The following TNPO1 variants were observed in gnomAD, a reference collection of about 807,000 sequenced individuals.
TNPO1 encodes the protein transportin-1.
Under a neutral mutation model 119.5 loss-of-function variants are expected in TNPO1, and 8 were observed. The observed-to-expected ratio is 0.07, with a 90% CI of 0.04 to 0.12. The LOEUF is 0.12. Among genes scored for constraint, TNPO1 ranks in the 10% least tolerant of loss-of-function variants. TNPO1 has a pLI of 1.00. For missense variants in TNPO1, 576 were observed against 1,089.8 expected, an observed-to-expected ratio of 0.53 and a Z score of 6.64; for synonymous variants, 362 against 363.0, an observed-to-expected ratio of 1.00 and a Z score of 0.03.
chr5:72,821,735 C>G (rs1236173780), intron 1 of TNPO1, among the ~76,000 whole-genome samples: 1 of 151,830 alleles, frequency 6.6e-6, no homozygotes, highest in Non-Finnish European at 1.5e-5. Context: ...GTAAAAACAC[C>G]AAGAAAGGCC....
chr5:72,913,231 T>C lies in TNPO1; in HGVS notation c.*4558T>C, dbSNP rs1011096069. 1.4e-4 allele frequency: 21 copies of C among 152,474 alleles called. No individual in the cohort carries two copies. Among genetic ancestry groups the C allele is most frequent in the Non-Finnish European group, 1.5e-5 (1 of 67,900 alleles). 9.4% of individuals were successfully genotyped at this position (152,474 alleles called of 1,614,324 possible). A position where few individuals can be genotyped will look rare whatever the true frequency, so the allele number is the denominator to read the frequency against. On this transcript the variant is annotated 3_prime_UTR_variant, in exon 25 of 25. Transcript: ENST00000337273. ...GATACTTCTAATGCCTCTCTAAAAT[T>C]AAATTTTACATAAAAGTTAGTTTTA...
intron 1 of TNPO1, among the ~76,000 whole-genome samples, chr5:72,823,302 G>A (rs535725706): frequency 2.6e-5 from 4 of 152,146 alleles, no homozygotes; most frequent in South Asian, 2.1e-4. Flanking sequence ...CCACTCTCCA[G>A]TCTTTATATT....
chr5:72,832,292 A>G (rs1744510169), intron 1 of TNPO1, among the ~76,000 whole-genome samples: 3 of 152,134 alleles, frequency 2.0e-5, no homozygotes, highest in African/African-American at 7.2e-5. Flanking sequence ...GACTAAAACC[A>G]TTACTTTATT....
At chr5:72,865,765 A>T in intron 6 of TNPO1, 36 bp downstream of exon 6, 1 of 1,577,936 alleles carries the variant, frequency 6.3e-7, no homozygotes, top group South Asian at 1.2e-5. Flanking sequence ...ATTAACTGTG[A>T]TATAAACCTG....
rs184858142 is a variant in TNPO1 at position 72,856,452 on chromosome 5, A to G, written c.355+529A>G. On this transcript the variant is annotated intron_variant, in intron 4 of 24. Coordinates refer to ENST00000337273, the MANE Select transcript of TNPO1 (RefSeq NM_002270.4). Reference sequence around the variant, plus strand: ...TTTACCATGTTGGCCAGGCTGGTCTATAACTCCTGACCTCAGGTGATCCGC... The same window carrying G: ...TTTACCATGTTGGCCAGGCTGGTCTGTAACTCCTGACCTCAGGTGATCCGC... Among the ~76,000 whole-genome samples the G allele has an allele frequency of 3.5e-3, 533 of 151,980 alleles. 3 individuals carry two copies. The highest frequency in any genetic ancestry group is 0.012 in the African/African-American group (511 of 41,464).
intron 11 of TNPO1, 106 bp from the exon 12 acceptor site, chr5:72,886,964 T>C (rs1748697926): frequency 9.4e-7 from 1 of 1,060,844 alleles, no homozygotes; most frequent in East Asian, 3.2e-5. Context: ...GAATTCTTAT[T>C]TTAAAACTCC....
chr5:72,848,516 T>TGG lies in TNPO1; in HGVS notation c.129+19_129+20dup. 1 of 1,495,404 alleles carries TGG rather than the reference T, an allele frequency of 6.7e-7. No homozygotes were observed. Among genetic ancestry groups the TGG allele is most frequent in the Non-Finnish European group, 9.0e-7 (1 of 1,110,920 alleles). The allele number at this position is 1,495,404 out of a possible 1,614,324, so 92.6% of individuals were successfully genotyped here. A position where few individuals can be genotyped will look rare whatever the true frequency, so the allele number is the denominator to read the frequency against. On this transcript the variant is annotated intron_variant, in intron 2 of 24. Transcript: ENST00000337273. ...TGCAACAAGTATCCTTTCCGAGGCC[T>TGG]GGCCGCCACCCGCGCAGCTCGCCCC...
At chr5:72,818,021 A>G (rs1215540569) in intron 1 of TNPO1, among the ~76,000 whole-genome samples, 1 of 152,254 alleles carries the variant, frequency 6.6e-6, no homozygotes. Context: ...AAGGGAAACA[A>G]TAGTTTGTAG....
At chr5:72,901,158 A>G (rs1187697082) in intron 22 of TNPO1, 85 bp downstream of exon 22, 9 of 806,840 alleles carry the variant, frequency 1.1e-5, no homozygotes, top group Non-Finnish European at 1.5e-5. Flanking sequence ...AATTATAAAA[A>G]GTTAACTATT....
chr5:72,845,161 C>A (rs1219833167), intron 1 of TNPO1, among the ~76,000 whole-genome samples: 1 of 150,586 alleles, frequency 6.6e-6, no homozygotes, highest in Non-Finnish European at 1.5e-5. Context: ...GGAGTATCAT[C>A]TAAGGGAGCG....
chr5:72,845,351 A>G (rs1414410334), intron 1 of TNPO1, among the ~76,000 whole-genome samples: 4 of 152,202 alleles, frequency 2.6e-5, no homozygotes, highest in East Asian at 3.8e-4. Context: ...ACCTCATATA[A>G]TAATCCTGAT....
At chr5:72,821,743 G>A (rs1561288736) in intron 1 of TNPO1, among the ~76,000 whole-genome samples, 1 of 152,112 alleles carries the variant, frequency 6.6e-6, no homozygotes, top group Non-Finnish European at 1.5e-5. Flanking sequence ...ACCAAGAAAG[G>A]CCAGTAATAG....
chr5:72,897,741 C>A (rs1749536542), intron 20 of TNPO1, among the ~76,000 whole-genome samples: 1 of 151,212 alleles, frequency 6.6e-6, no homozygotes, highest in African/African-American at 2.4e-5. Context: ...TGGATTCGGT[C>A]CTTTTCTTTC....
rs550012358 is a variant in TNPO1, at chr5:72,891,545, T to TA, written c.1702-264dup. ...TTTTGATTAGCTGTGTGTTTATTGA[T>TA]AGACTCTTTTTTTCAACAAGGATAA... On this transcript the variant is annotated intron_variant, in intron 14 of 24. Coordinates refer to ENST00000337273, the MANE Select transcript of TNPO1 (RefSeq NM_002270.4). Among the ~76,000 whole-genome samples, 285 of 152,288 alleles carry TA rather than the reference T, an allele frequency of 1.9e-3. 1 individual carries two copies. Among genetic ancestry groups the TA allele is most frequent in the Middle Eastern group, 3.4e-3 (1 of 294 alleles).
chr5:72,862,706 T>G (rs1461481957), intron 5 of TNPO1, among the ~76,000 whole-genome samples: 1 of 152,054 alleles, frequency 6.6e-6, no homozygotes, highest in Non-Finnish European at 1.5e-5. Flanking sequence ...AGTGCAGTGG[T>G]GCAATCTCAG....
intron 2 of TNPO1, among the ~76,000 whole-genome samples, chr5:72,848,720 GC>G (rs891105067): frequency 6.8e-5 from 10 of 147,572 alleles, no homozygotes; most frequent in African/African-American, 2.4e-4. Flanking sequence ...GCCGCGTGGG[GC>G]TCACGCCGCC....
At chr5:72,875,590 GA>G (rs751713099) in intron 7 of TNPO1, 24 bp from the exon 8 acceptor site, 2 of 1,606,304 alleles carry the variant, frequency 1.2e-6, no homozygotes, top group Non-Finnish European at 1.7e-6. Context: ...TCTAAAACTA[GA>G]AAAAATTATT....
intron 1 of TNPO1, 178 bp from the exon 2 acceptor site, chr5:72,848,207 G>T (rs1376122648): frequency 8.1e-7 from 1 of 1,237,972 alleles, no homozygotes; most frequent in Non-Finnish European, 1.0e-6. Flanking sequence ...GAGCAGTTCC[G>T]CCGGGTTTCA....
intron 2 of TNPO1, among the ~76,000 whole-genome samples, chr5:72,850,414 G>A (rs1398100295): frequency 2.0e-5 from 3 of 152,154 alleles, no homozygotes; most frequent in East Asian, 1.9e-4. Flanking sequence ...TAAACATTGA[G>A]GGTATTCAAA....
Sources: gnomAD v4.1 joint callset for allele counts (sites outside exome capture counted in the v4.1 genomes callset) on GRCh38, gnomAD v4.1.1 for gene constraint, MANE v1.5 for transcripts, NCBI Gene and HGNC (gene_info 2026-07-23, HGNC 2026-07-21) for gene names.